The following LRRC9 variants were observed in gnomAD, a reference collection of about 807,000 sequenced individuals.
The protein encoded by LRRC9 is leucine rich repeat containing 9.
A neutral mutation model predicts 63.2 loss-of-function variants in LRRC9; 122 were observed. The ratio of observed to expected loss-of-function variants is 1.93; its 90% CI spans 1.67 to 2.24. LRRC9 has a LOEUF of 2.24. LRRC9 is among the 30% of genes most tolerant of loss of function. LRRC9 has a pLI of 0.00. For synonymous variants in LRRC9, 366 were observed against 213.1 expected, an observed-to-expected ratio of 1.72 and a Z score of -6.25; for missense variants, 1,071 against 627.7, an observed-to-expected ratio of 1.71 and a Z score of -7.55.
chr14:60,009,875 T>A (rs1279455954), intron 23 of LRRC9, among the ~76,000 whole-genome samples: 1 of 152,022 alleles, frequency 6.6e-6, no homozygotes. Flanking sequence ...GGCAGCAAAA[T>A]CTTAAAGCTC....
In LRRC9 at chr14:59,942,776, C is replaced by CTT. The variant is rs1440781193; in HGVS notation, c.727-1812_727-1811insTT. 6.6e-6 allele frequency among the ~76,000 whole-genome samples: 1 copy of CTT among 150,792 alleles called. No individual in the cohort carries two copies. The highest frequency in any genetic ancestry group is 2.0e-4 in the East Asian group (1 of 5,078). On this transcript the variant is annotated intron_variant, in intron 7 of 31. Transcript: ENST00000445360. This position sits in a 1 kb window ranked among gnomAD's most constrained non-coding sequence, Gnocchi z 5.3. Reference sequence around the variant, plus strand: ...TGCATCCTCGCCAGCATCTCTCTCTCTCTTTTTTTTTTCTGTCTTTTTGAT... The same window carrying CTT: ...TGCATCCTCGCCAGCATCTCTCTCTCTTTCTTTTTTTTTTCTGTCTTTTTGAT...
chr14:59,975,776 G>T (rs141881730), intron 13 of LRRC9, among the ~76,000 whole-genome samples: 26 of 152,304 alleles, frequency 1.7e-4, no homozygotes, highest in African/African-American at 5.5e-4. Context: ...TGTATAATAT[G>T]GAGAATAGAT....
At chr14:60,064,271 T>A (rs776487074), downstream of LRRC9, among the ~76,000 whole-genome samples, 2 of 152,214 alleles carry the variant, frequency 1.3e-5, no homozygotes, top group Non-Finnish European at 2.9e-5. Flanking sequence ...TTACTAAAAT[T>A]GATAACCAAA....
chr14:59,982,809 A>G (rs1423595532), intron 16 of LRRC9, among the ~76,000 whole-genome samples: 1 of 152,212 alleles, frequency 6.6e-6, no homozygotes, highest in African/African-American at 2.4e-5. Context: ...TCACATTTCA[A>G]GTGCTCAATA....
chr14:59,966,590 TTTAATTTCTGCTATGAA>T lies in LRRC9; in HGVS notation c.1220_1236del (p.Phe407SerfsTer24). Reference sequence around the variant, plus strand: ...TATTCTGTATGTATTCCCACATAGGTTTAATTTCTGCTATGAATTAATTCTGTCACGTTTTTGTGCCT... The same window carrying T: ...TATTCTGTATGTATTCCCACATAGGTTTAATTCTGTCACGTTTTTGTGCCT... On this transcript the variant is annotated frameshift_variant and splice_region_variant, in exon 11 of 32. Transcript: ENST00000445360. LOFTEE classifies it high-confidence loss of function. The surrounding 1 kb of genome is among the most constrained non-coding windows in gnomAD (Gnocchi z 4.0). 1.5e-6 allele frequency: 1 copy of T among 664,308 alleles called. No individual in the cohort carries two copies. Among genetic ancestry groups the T allele is most frequent in the Non-Finnish European group, 2.7e-6 (1 of 366,842 alleles). 41.2% of individuals were successfully genotyped at this position (664,308 alleles called of 1,614,324 possible). A position where few individuals can be genotyped will look rare whatever the true frequency, so the allele number is the denominator to read the frequency against.
At chr14:59,995,314 G>C (rs924863060) in intron 17 of LRRC9, among the ~76,000 whole-genome samples, 3 of 152,188 alleles carry the variant, frequency 2.0e-5, no homozygotes, top group African/African-American at 4.8e-5. Flanking sequence ...AATTAGTGTT[G>C]ACTAGGGAAA....
intron 31 of LRRC9, among the ~76,000 whole-genome samples, chr14:60,062,578 G>A (rs949806246): frequency 6.6e-5 from 10 of 152,152 alleles, no homozygotes; most frequent in Non-Finnish European, 1.2e-4. Flanking sequence ...TTCTGAAACC[G>A]TGAAGGCTAA....
At chr14:59,975,798 G>C (rs1886208442) in intron 13 of LRRC9, among the ~76,000 whole-genome samples, 1 of 152,230 alleles carries the variant, frequency 6.6e-6, no homozygotes, top group Admixed American at 6.5e-5. Context: ...AGGTCAGGGA[G>C]TAAGGAACAC....
chr14:59,993,569 T>C lies in LRRC9; in HGVS notation c.2212-4087T>C, dbSNP rs572706572. Among the ~76,000 whole-genome samples the C allele has an allele frequency of 5.7e-4, 86 of 152,164 alleles. No homozygotes were observed. The Middle Eastern group carries it at 0.017, about 30-fold the overall frequency. On this transcript the variant is annotated intron_variant, in intron 17 of 31. Transcript: ENST00000445360. ...CAGTGTGCTGTATTCAGGAAACCCA[T>C]CTCACGTGCAGAGACACACATAGGC...
intron 3 of LRRC9, among the ~76,000 whole-genome samples, chr14:59,929,114 CT>C (rs1300943476): frequency 6.6e-6 from 1 of 152,046 alleles, no homozygotes; most frequent in Non-Finnish European, 1.5e-5. Flanking sequence ...GCAAAAGAAA[CT>C]ATCAACAGGG....
At chr14:60,029,601 T>C (rs1241791835) in intron 28 of LRRC9, among the ~76,000 whole-genome samples, 1 of 152,106 alleles carries the variant, frequency 6.6e-6, no homozygotes, top group Non-Finnish European at 1.5e-5. Context: ...GTTACCAGAT[T>C]AGACCTGGTA....
intron 17 of LRRC9, among the ~76,000 whole-genome samples, chr14:59,991,921 C>T (rs893620602): frequency 6.6e-6 from 1 of 152,222 alleles, no homozygotes; most frequent in Non-Finnish European, 1.5e-5. Flanking sequence ...GCAGAATCCT[C>T]TGCAGACGTA....
rs1851558543 is a variant in LRRC9 at position 59,936,145 on chromosome 14, A to C, written c.544-2245A>C. Among the ~76,000 whole-genome samples the C allele has an allele frequency of 2.0e-5, 3 of 152,150 alleles. No homozygotes were observed. The South Asian group carries it at 6.2e-4, about 31-fold the overall frequency. On this transcript the variant is annotated intron_variant, in intron 6 of 31. Coordinates refer to ENST00000445360, the Ensembl canonical transcript of LRRC9. This position sits in a 1 kb window ranked among gnomAD's most constrained non-coding sequence, Gnocchi z 4.2. ...AGGACTCAACAGATCCATTGTTTTT[A>C]TTATTTTATTACCATTACTTTAATT...
In LRRC9 at chr14:60,044,154, C is replaced by T. The variant is rs572360748; in HGVS notation, c.3991-8911C>T. Reference sequence around the variant, plus strand: ...TCTGAGGTCTCAGTTATTACATCTTCTTTTTCATTTTTGATTTCATTTTTT... The same window carrying T: ...TCTGAGGTCTCAGTTATTACATCTTTTTTTTCATTTTTGATTTCATTTTTT... On this transcript the variant is annotated intron_variant, in intron 29 of 31. Coordinates refer to ENST00000445360, the Ensembl canonical transcript of LRRC9. Among the ~76,000 whole-genome samples, 19 of 152,020 alleles carry T rather than the reference C, an allele frequency of 1.2e-4. No individual in the cohort carries two copies. The South Asian group carries it at 3.1e-3, about 25-fold the overall frequency.
At chr14:60,034,801 T>G (rs1378466594) in intron 29 of LRRC9, among the ~76,000 whole-genome samples, 1 of 152,232 alleles carries the variant, frequency 6.6e-6, no homozygotes, top group East Asian at 1.9e-4. Context: ...AATGCTGCAA[T>G]AAACATAGGA....
intron 21 of LRRC9, among the ~76,000 whole-genome samples, chr14:60,005,340 C>G (rs1889729454): frequency 6.6e-6 from 1 of 152,098 alleles, no homozygotes; most frequent in Non-Finnish European, 1.5e-5. Context: ...TCCCATACAA[C>G]TGGATATTAG....
At chr14:59,971,073 A>C (rs1230410620) in intron 12 of LRRC9, among the ~76,000 whole-genome samples, 1 of 151,930 alleles carries the variant, frequency 6.6e-6, no homozygotes, top group African/African-American at 2.4e-5. Flanking sequence ...TTAAGTCCTT[A>C]CATTTAACTC....
chr14:60,011,217 T>C (rs1276292261), intron 23 of LRRC9, among the ~76,000 whole-genome samples: 1 of 152,016 alleles, frequency 6.6e-6, no homozygotes, highest in South Asian at 2.1e-4. Flanking sequence ...CAAAAGCAGG[T>C]CTTACATGGT....
At position 59,962,257 on chromosome 14, in the gene LRRC9, T is replaced by C. The variant is rs1884424474; in HGVS notation, c.1211+1212T>C. The stretch of plus-strand genomic sequence containing the variant: ...TTGCCCAGCAGTTACTACTGTTTGC[T>C]TAACCACATTTTTTGATTTTTATAT... On this transcript the variant is annotated intron_variant, in intron 10 of 31. Coordinates refer to ENST00000445360, the Ensembl canonical transcript of LRRC9. The surrounding 1 kb of genome is among the most constrained non-coding windows in gnomAD (Gnocchi z 5.1). Among the ~76,000 whole-genome samples, 2 of 152,226 alleles carry C rather than the reference T, an allele frequency of 1.3e-5. No homozygotes were observed. The highest frequency in any genetic ancestry group is 1.9e-4 in the East Asian group (1 of 5,188).
Sources: gnomAD v4.1 joint callset for allele counts (sites outside exome capture counted in the v4.1 genomes callset) on GRCh38, gnomAD v4.1.1 for gene constraint, Gnocchi (gnomAD v3.1) non-coding constraint, MANE v1.5 for transcripts, NCBI Gene and HGNC (gene_info 2026-07-23, HGNC 2026-07-21) for gene names.